The following MPDZ variants were observed in gnomAD, a reference collection of about 807,000 sequenced individuals.
MPDZ encodes multiple PDZ domain crumbs cell polarity complex component, also known as multiple PDZ domain protein.
In MPDZ, 234 loss-of-function variants were observed where a neutral mutation model predicts 239.1. The observed-to-expected ratio is 0.98, with a 90% CI of 0.88 to 1.09. The LOEUF is 1.09. MPDZ is among the 50% of genes least tolerant of loss of function. MPDZ has a pLI of 0.00. For synonymous variants in MPDZ, 1,048 were observed against 881.3 expected (o/e 1.19, Z -3.35); for missense variants, 3,175 against 2,510.0 (o/e 1.26, Z -5.66).
Position 13,125,398 on chromosome 9 carries a change from G to T in MPDZ, c.4633-8C>A, listed in dbSNP as rs764412277. 3 of 1,610,676 alleles carry T rather than the reference G, an allele frequency of 1.9e-6. No individual in the cohort carries two copies. Among genetic ancestry groups the T allele is most frequent in the Admixed American group, 1.7e-5 (1 of 59,900 alleles). On this transcript the variant is annotated splice_polypyrimidine_tract_variant and splice_region_variant and intron_variant, in intron 34 of 46. Transcript: ENST00000319217. Reference sequence around the variant, plus strand: ...CTTCAGAAGGCTAATAAACTGGCAGGGTGTATGTGTGGAAGAGAAACAAAA... The same window carrying T: ...CTTCAGAAGGCTAATAAACTGGCAGTGTGTATGTGTGGAAGAGAAACAAAA...
intron 32 of MPDZ, among the ~76,000 whole-genome samples, chr9:13,132,967 G>C (rs1946228983): frequency 6.6e-6 from 1 of 151,982 alleles, no homozygotes; most frequent in South Asian, 2.1e-4. Flanking sequence ...AGCCTTAGAT[G>C]ATACATTAAA....
intron 29 of MPDZ, 84 bp from the exon 30 acceptor site, chr9:13,136,887 AT>A (rs1310362461): frequency 2.9e-6 from 2 of 684,218 alleles, no homozygotes; most frequent in Non-Finnish European, 4.8e-6. Flanking sequence ...TGAAAAGCAC[AT>A]TTTTTCTTCC....
chr9:13,112,272 G>A lies in MPDZ; in HGVS notation c.5602-126C>T, dbSNP rs1481360137. On this transcript the variant is annotated intron_variant, in intron 42 of 46. Coordinates refer to ENST00000319217, the MANE Select transcript of MPDZ (RefSeq NM_001378778.1). ...AGTGTGAGGGGGAAAATGAAGAAGT[G>A]CAAGAAAACTGCATTACTTTACTTG... The A allele has an allele frequency of 5.3e-6, 5 of 948,818 alleles. No individual in the cohort carries two copies. In the South Asian group the frequency reaches 8.7e-5, roughly 16 times the overall value. The allele number at this position is 948,818 out of a possible 1,614,324, so 58.8% of individuals were successfully genotyped here.
chr9:13,278,767 G>T (rs1296473888), intron 1 of MPDZ, among the ~76,000 whole-genome samples: 1 of 152,094 alleles, frequency 6.6e-6, no homozygotes, highest in Non-Finnish European at 1.5e-5. Context: ...CCAATTAGCG[G>T]CTCGCCTCGG....
At chr9:13,172,255 G>T (rs976966071) in intron 21 of MPDZ, among the ~76,000 whole-genome samples, 2 of 152,026 alleles carry the variant, frequency 1.3e-5, no homozygotes, top group Admixed American at 6.6e-5. Context: ...TAAACATATT[G>T]GGCATAGCAT....
intron 21 of MPDZ, 86 bp from the exon 22 acceptor site, chr9:13,168,650 T>C (rs1319509177): frequency 9.3e-6 from 10 of 1,072,144 alleles, no homozygotes; most frequent in Non-Finnish European, 1.3e-5. Context: ...CTATGATTTA[T>C]AGATTAAAAA....
chr9:13,111,563 T>C (rs1037489909), intron 43 of MPDZ, among the ~76,000 whole-genome samples: 4 of 152,226 alleles, frequency 2.6e-5, no homozygotes, highest in African/African-American at 9.6e-5. Flanking sequence ...CCCTCAGCTT[T>C]GAGGCAAGTT....
intron 16 of MPDZ, 40 bp downstream of exon 16, chr9:13,190,074 A>AT (rs1954686389): frequency 6.4e-7 from 1 of 1,552,442 alleles, no homozygotes; most frequent in South Asian, 1.2e-5. Flanking sequence ...TGATAGCAAC[A>AT]ATAGGCCTTT....
At position 13,224,263 on chromosome 9, in the gene MPDZ, A is replaced by G. The variant is rs566607498; in HGVS notation, c.393+111T>C. ...CCCACAAAACTGACTTTTTGTTCCAATGTTTTCAGATGTTATAAATGTCAC... is the reference window on the plus strand; with the variant it reads ...CCCACAAAACTGACTTTTTGTTCCAGTGTTTTCAGATGTTATAAATGTCAC... On this transcript the variant is annotated intron_variant, in intron 4 of 46. Coordinates refer to ENST00000319217, the MANE Select transcript of MPDZ (RefSeq NM_001378778.1). The G allele has an allele frequency of 1.9e-5, 20 of 1,043,516 alleles. No homozygotes were observed. In the African/African-American group the frequency reaches 2.4e-4, roughly 12 times the overall value. 64.6% of individuals were successfully genotyped at this position (1,043,516 alleles called of 1,614,324 possible).
At chr9:13,148,454 G>A (rs1202970622) in intron 25 of MPDZ, among the ~76,000 whole-genome samples, 1 of 151,780 alleles carries the variant, frequency 6.6e-6, no homozygotes, top group Admixed American at 6.6e-5. Context: ...AACCCAGAGT[G>A]GACACAACTC....
intron 1 of MPDZ, among the ~76,000 whole-genome samples, chr9:13,255,879 T>C (rs901264524): frequency 6.6e-6 from 1 of 152,234 alleles, no homozygotes; most frequent in Non-Finnish European, 1.5e-5. Flanking sequence ...ACCATCTGCA[T>C]TAGCTCTTAA....
intron 22 of MPDZ, among the ~76,000 whole-genome samples, chr9:13,164,179 GGTCAAAAACT>G (rs1225951022): frequency 1.3e-5 from 2 of 152,080 alleles, no homozygotes; most frequent in Admixed American, 6.6e-5. Flanking sequence ...TTACCTCAAA[GGTCAAAAACT>G]GAATCAAAGT....
In MPDZ at chr9:13,196,133, G is replaced by C. The variant is rs982929941; in HGVS notation, c.1644C>G (p.Asn548Lys). 6.3e-7 allele frequency: 1 copy of C among 1,596,314 alleles called. No individual in the cohort carries two copies. Among genetic ancestry groups the C allele is most frequent in the African/African-American group, 1.3e-5 (1 of 74,914 alleles). The change falls in exon 13 of 47, where the codon AAC becomes AAG. Residue 548 changes from asparagine (N) to lysine (K), a missense_variant. Asn to Lys is a moderately conservative substitution (Grantham distance 94). Transcript: ENST00000319217. The stretch of plus-strand genomic sequence containing the variant: ...TCAGCTAACCTACCACTATTTCATA[G>C]TTAATTCCCATAATCCTTTGCCATT... The part of the protein sequence containing the change: ...LTKWQRIMGI[N>K]YEIVVAHVSK...
chr9:13,207,433 C>A (rs569478312), intron 10 of MPDZ, among the ~76,000 whole-genome samples: 23 of 152,252 alleles, frequency 1.5e-4, no homozygotes, highest in African/African-American at 5.5e-4. Flanking sequence ...ACAGAGGGCT[C>A]ACTTCCATTC....
intron 33 of MPDZ, 35 bp from the exon 34 acceptor site, chr9:13,126,625 C>T (rs1945162594): frequency 6.8e-6 from 11 of 1,611,632 alleles, no homozygotes; most frequent in African/African-American, 2.7e-5. Context: ...GAGTGATATT[C>T]CAAAAGTAAT....
At chr9:13,197,455 C>A (rs1369234951) in intron 12 of MPDZ, among the ~76,000 whole-genome samples, 2 of 151,986 alleles carry the variant, frequency 1.3e-5, no homozygotes, top group Non-Finnish European at 2.9e-5. Context: ...CTATGATTAA[C>A]TATATTCTCT....
intron 21 of MPDZ, among the ~76,000 whole-genome samples, chr9:13,172,908 T>C (rs1405482233): frequency 2.0e-5 from 3 of 152,080 alleles, no homozygotes; most frequent in African/African-American, 2.4e-5. Context: ...AGTAGATGAA[T>C]AAATAAACAA....
chr9:13,122,072 A>G lies in MPDZ; in HGVS notation c.5037+15T>C. 6.2e-7 allele frequency: 1 copy of G among 1,613,322 alleles called. No individual in the cohort carries two copies. The highest frequency in any genetic ancestry group is 8.5e-7 in the Non-Finnish European group (1 of 1,179,356). On this transcript the variant is annotated intron_variant, in intron 37 of 46. Transcript: ENST00000319217. The stretch of plus-strand genomic sequence containing the variant: ...TCTCTGTTAATTTTGAAGGTCAAAA[A>G]CAGGCATTCTATACCTCTAAGATCT...
At chr9:13,157,068 G>A (rs1181090033) in intron 24 of MPDZ, among the ~76,000 whole-genome samples, 1 of 152,160 alleles carries the variant, frequency 6.6e-6, no homozygotes, top group Non-Finnish European at 1.5e-5. Flanking sequence ...ATATTTAAAT[G>A]TGATGGCTGC....
Sources: allele counts gnomAD v4.1 joint callset (sites outside exome capture counted in the v4.1 genomes callset), GRCh38; gene constraint gnomAD v4.1.1; transcripts MANE v1.5; gene names NCBI Gene and HGNC (gene_info 2026-07-23, HGNC 2026-07-21).